The following ZNF385D variants were observed in gnomAD, a reference collection of about 807,000 sequenced individuals.
ZNF385D encodes zinc finger protein 385D.
In ZNF385D, 15 loss-of-function variants were observed where a neutral mutation model predicts 35.8. That is an observed-to-expected ratio of 0.42 (90% CI 0.28 to 0.64). The LOEUF is 0.64. Ranked by LOEUF, ZNF385D falls within the 30% of genes least tolerant of loss-of-function variation. ZNF385D has a pLI of 0.23. For synonymous variants in ZNF385D, 212 were observed against 186.8 expected (o/e 1.13, Z -1.10); for missense variants, 474 against 494.6 (o/e 0.96, Z 0.39).
chr3:21,727,786 C>T (rs2068829297), intron 1 of ZNF385D, among the ~76,000 whole-genome samples: 1 of 152,116 alleles, frequency 6.6e-6, no homozygotes, highest in Non-Finnish European at 1.5e-5. Flanking sequence ...ACCAGAAATA[C>T]CATTTGATCC....
At chr3:21,534,970 G>A (rs911468371) in intron 3 of ZNF385D, among the ~76,000 whole-genome samples, 1 of 152,100 alleles carries the variant, frequency 6.6e-6, no homozygotes, top group East Asian at 1.9e-4. Context: ...AAATACTATA[G>A]TAAGTTTCAG....
chr3:21,643,586 C>G (rs753337841), intron 2 of ZNF385D, among the ~76,000 whole-genome samples: 1 of 152,094 alleles, frequency 6.6e-6, no homozygotes, highest in Non-Finnish European at 1.5e-5. Context: ...GCTCCTGTGA[C>G]AGGGAGTTCA....
chr3:21,635,023 C>T (rs751552544), intron 2 of ZNF385D, among the ~76,000 whole-genome samples: 1 of 151,992 alleles, frequency 6.6e-6, no homozygotes, highest in East Asian at 1.9e-4. Flanking sequence ...AAAGGCACTT[C>T]CCTAAAAATC....
intron 3 of ZNF385D, among the ~76,000 whole-genome samples, chr3:21,874,850 T>G (rs1414964864): frequency 2.0e-5 from 3 of 152,116 alleles, no homozygotes; most frequent in Non-Finnish European, 4.4e-5. Flanking sequence ...ATTAAGTATT[T>G]CAATTCATGA....
At chr3:21,814,960 A>C (rs995025480) in intron 3 of ZNF385D, among the ~76,000 whole-genome samples, 9 of 152,120 alleles carry the variant, frequency 5.9e-5, no homozygotes, top group African/African-American at 9.7e-5. Flanking sequence ...AAATGTAAAA[A>C]AACAGAAATT....
intron 2 of ZNF385D, among the ~76,000 whole-genome samples, chr3:21,565,330 A>G (rs1170677659): frequency 6.6e-6 from 1 of 152,094 alleles, no homozygotes; most frequent in Non-Finnish European, 1.5e-5. Context: ...TATTTCCAGG[A>G]CAGGACAAAC....
At chr3:22,005,580 C>A (rs1454192217) in intron 3 of ZNF385D, among the ~76,000 whole-genome samples, 1 of 152,050 alleles carries the variant, frequency 6.6e-6, no homozygotes, top group Non-Finnish European at 1.5e-5. Context: ...ACACACGTAT[C>A]AAAATAGCAC....
chr3:21,712,852 A>G (rs1210145821), intron 1 of ZNF385D, among the ~76,000 whole-genome samples: 2 of 152,178 alleles, frequency 1.3e-5, no homozygotes, highest in Non-Finnish European at 2.9e-5. Flanking sequence ...CTGTCAGTGA[A>G]TTAATTCCTT....
chr3:21,856,800 G>C (rs571902082), intron 3 of ZNF385D, among the ~76,000 whole-genome samples: 1 of 152,132 alleles, frequency 6.6e-6, no homozygotes, highest in Non-Finnish European at 1.5e-5. Context: ...GCTCAATAAT[G>C]ACCTATTCAA....
chr3:22,098,297 GAA>G (rs1051755258), intron 3 of ZNF385D, among the ~76,000 whole-genome samples: 133 of 152,108 alleles, frequency 8.7e-4, no homozygotes, highest in African/African-American at 3.1e-3. Context: ...ATTGCTCTGG[GAA>G]GAATCAGACC....
At chr3:21,469,180 C>A (rs1244111043) in intron 4 of ZNF385D, among the ~76,000 whole-genome samples, 1 of 152,086 alleles carries the variant, frequency 6.6e-6, no homozygotes, top group Non-Finnish European at 1.5e-5. Context: ...GTAAATTATG[C>A]CTCAACAAAA....
chr3:21,816,376 G>A (rs1412854241), intron 3 of ZNF385D, among the ~76,000 whole-genome samples: 2 of 152,188 alleles, frequency 1.3e-5, no homozygotes, highest in Non-Finnish European at 2.9e-5. Context: ...ATTAAGAAAA[G>A]AGGAAGTCAA....
At chr3:21,973,457 G>C (rs1342461740) in intron 3 of ZNF385D, among the ~76,000 whole-genome samples, 1 of 151,946 alleles carries the variant, frequency 6.6e-6, no homozygotes, top group Non-Finnish European at 1.5e-5. Flanking sequence ...CTCACCGCTA[G>C]TATCATATTG....
intron 2 of ZNF385D, among the ~76,000 whole-genome samples, chr3:22,211,522 C>G (rs765896761): frequency 7.2e-5 from 11 of 151,926 alleles, no homozygotes; most frequent in Non-Finnish European, 1.3e-4. Context: ...AGAGACTAGG[C>G]TCGGATTTCA....
intron 2 of ZNF385D, among the ~76,000 whole-genome samples, chr3:22,298,716 A>G (rs868123304): frequency 1.3e-5 from 2 of 150,890 alleles, no homozygotes; most frequent in African/African-American, 4.8e-5. Context: ...AACCAAAAAA[A>G]AAAAATAAAA....
chr3:21,936,805 C>G (rs1701280408), intron 3 of ZNF385D, among the ~76,000 whole-genome samples: 1 of 152,002 alleles, frequency 6.6e-6, no homozygotes, highest in South Asian at 2.1e-4. Flanking sequence ...ATTTTATTTA[C>G]CTCATTGTGC....
chr3:21,842,829 G>C (rs1323002260), intron 3 of ZNF385D, among the ~76,000 whole-genome samples: 1 of 151,934 alleles, frequency 6.6e-6, no homozygotes, highest in Non-Finnish European at 1.5e-5. Context: ...TTTTGATAAG[G>C]ACATTTCTAA....
chr3:21,740,892 T>C lies in ZNF385D; in HGVS notation c.22+10003A>G, dbSNP rs2069481144. On this transcript the variant is annotated intron_variant, in intron 1 of 7. Transcript: ENST00000281523. Reference sequence around the variant, plus strand: ...GAAAATGCAGATGCCTGACTCCACCTTCAGAGAATTTGGTTATACTGGACC... The same window carrying C: ...GAAAATGCAGATGCCTGACTCCACCCTCAGAGAATTTGGTTATACTGGACC... Among the ~76,000 whole-genome samples the C allele has an allele frequency of 3.3e-5, 5 of 152,216 alleles. No homozygotes were observed. In the South Asian group the frequency reaches 1.0e-3, roughly 32 times the overall value.
chr3:22,310,484 T>C (rs1277472597), intron 2 of ZNF385D, among the ~76,000 whole-genome samples: 2 of 152,024 alleles, frequency 1.3e-5, no homozygotes, highest in Non-Finnish European at 2.9e-5. Context: ...TTATGCTATA[T>C]CCAGGTTTTC....
Sources: gnomAD v4.1 joint callset for allele counts (sites outside exome capture counted in the v4.1 genomes callset) on GRCh38, gnomAD v4.1.1 for gene constraint, MANE v1.5 for transcripts, NCBI Gene and HGNC (gene_info 2026-07-23, HGNC 2026-07-21) for gene names.